The following DPYS variants were observed in gnomAD, a reference collection of about 807,000 sequenced individuals.
DPYS encodes dihydropyrimidinase, also known as dihydropyrimidine amidohydrolase.
DPYS carries 39 observed loss-of-function variants against 50.3 expected under a neutral mutation model. That is an observed-to-expected ratio of 0.78 (90% CI 0.60 to 1.01). The LOEUF (loss-of-function observed/expected upper bound fraction) is 1.01, where lower values mean the gene tolerates loss of function less well. DPYS is among the 50% of genes least tolerant of loss of function. DPYS has a pLI of 0.00. For missense variants in DPYS, 659 were observed against 680.9 expected (o/e 0.97, Z 0.36); for synonymous variants, 245 against 250.7 (o/e 0.98, Z 0.22).
At chr8:104,404,965 T>A (rs1811945017) in intron 7 of DPYS, among the ~76,000 whole-genome samples, 1 of 150,050 alleles carries the variant, frequency 6.7e-6, no homozygotes, top group South Asian at 2.2e-4. Context: ...AAAGCAACAA[T>A]AACAACACAA....
At chr8:104,449,164 C>T (rs1197641005) in intron 2 of DPYS, among the ~76,000 whole-genome samples, 1 of 152,170 alleles carries the variant, frequency 6.6e-6, no homozygotes, top group African/African-American at 2.4e-5. Context: ...TGGGACAGTG[C>T]ACCTCATTTG....
rs1019808073 is a variant in DPYS, at chr8:104,466,851, C to G, written c.70G>C (p.Asp24His). The change falls in exon 1 of 10, where the codon GAC (aspartate) becomes CAC (histidine). Residue 24 changes from aspartate (D) to histidine (H), a missense_variant. Asp to His is a moderately conservative substitution (Grantham distance 81). Transcript: ENST00000351513. Reference protein sequence around the residue: ...VVNDDFSEVADVLVEDGVVRA... With the variant: ...VVNDDFSEVAHVLVEDGVVRA... ...ACCACGCCGTCCTCCACCAGCACGT[C>G]GGCCACCTCCGAGAAGTCATCGTTG... 2 of 1,531,272 alleles carry G rather than the reference C, an allele frequency of 1.3e-6. No individual in the cohort carries two copies. The highest frequency in any genetic ancestry group is 3.9e-5 in the Admixed American group (2 of 50,710). 94.9% of individuals were successfully genotyped at this position (1,531,272 alleles called of 1,614,324 possible).
intron 8 of DPYS, among the ~76,000 whole-genome samples, chr8:104,382,295 C>G (rs970198509): frequency 6.6e-6 from 1 of 152,140 alleles, no homozygotes; most frequent in Non-Finnish European, 1.5e-5. Flanking sequence ...GACTCCTGCC[C>G]TTCCCTCACC....
intron 4 of DPYS, among the ~76,000 whole-genome samples, chr8:104,431,058 A>G (rs988244164): frequency 6.6e-6 from 1 of 152,200 alleles, no homozygotes; most frequent in African/African-American, 2.4e-5. Context: ...AGACCTTCCT[A>G]TTCCAAGGGA....
chr8:104,382,053 C>T (rs888634971), intron 8 of DPYS, among the ~76,000 whole-genome samples: 1 of 152,192 alleles, frequency 6.6e-6, no homozygotes, highest in Non-Finnish European at 1.5e-5. Flanking sequence ...TGCCTCCAGG[C>T]CTACTTCCTC....
intron 1 of DPYS, among the ~76,000 whole-genome samples, chr8:104,458,263 T>G (rs1408894408): frequency 1.3e-5 from 2 of 152,324 alleles, no homozygotes; most frequent in Non-Finnish European, 2.9e-5. Context: ...AAACAATTGT[T>G]GCCCAACCCA....
chr8:104,381,237 T>A lies in DPYS; in HGVS notation c.1521A>T (p.Glu507Asp). 6.2e-7 allele frequency: 1 copy of A among 1,614,174 alleles called. No homozygotes were observed. Reference protein sequence around the residue: ...VATLKSRVTKEDATAGTRKQA... With the variant: ...VATLKSRVTKDDATAGTRKQA... ...GTTTCCTGGTCCCTGCTGTGGCATC[T>A]TCTTTTGTCACTCTGGATTTCAGTG... The change falls in exon 9 of 10, where the codon GAA becomes GAT. Residue 507 changes from glutamate (E) to aspartate (D), a missense_variant. Coordinates refer to ENST00000351513, the MANE Select transcript of DPYS (RefSeq NM_001385.3).
At chr8:104,463,448 T>C (rs1814241259) in intron 1 of DPYS, among the ~76,000 whole-genome samples, 2 of 152,202 alleles carry the variant, frequency 1.3e-5, no homozygotes, top group South Asian at 4.1e-4. Context: ...CTTGCCACCC[T>C]GACAAATCTG....
chr8:104,409,506 C>A (rs1202013719), intron 7 of DPYS, among the ~76,000 whole-genome samples: 2 of 151,738 alleles, frequency 1.3e-5, no homozygotes, highest in African/African-American at 4.8e-5. Flanking sequence ...TTTAAAAAAT[C>A]TTAAAAAAAT....
At chr8:104,454,671 T>C (rs1394161601) in intron 1 of DPYS, among the ~76,000 whole-genome samples, 1 of 152,146 alleles carries the variant, frequency 6.6e-6, no homozygotes, top group Non-Finnish European at 1.5e-5. Flanking sequence ...AGTTAGATTG[T>C]AATAACAGGT....
intron 7 of DPYS, among the ~76,000 whole-genome samples, chr8:104,413,440 G>A (rs989389799): frequency 7.2e-5 from 11 of 152,016 alleles, no homozygotes; most frequent in Non-Finnish European, 1.0e-4. Context: ...GTTGAGATGA[G>A]GAAGGAGACA....
At chr8:104,446,867 T>C (rs1813547138) in intron 3 of DPYS, among the ~76,000 whole-genome samples, 1 of 152,226 alleles carries the variant, frequency 6.6e-6, no homozygotes, top group Non-Finnish European at 1.5e-5. Flanking sequence ...CACATTTTAA[T>C]ATCCAGTTTC....
intron 1 of DPYS, among the ~76,000 whole-genome samples, chr8:104,459,673 C>T (rs117375681): frequency 0.01 from 1,596 of 152,170 alleles, 14 homozygotes; most frequent in Middle Eastern, 0.044. Context: ...TTCCTTAAGT[C>T]CCAAATCTGC....
intron 2 of DPYS, among the ~76,000 whole-genome samples, chr8:104,450,858 AT>A (rs1317242669): frequency 1.3e-5 from 2 of 152,200 alleles, no homozygotes; most frequent in African/African-American, 4.8e-5. Context: ...GAAATTAAAC[AT>A]TTTTTATTGA....
At chr8:104,405,777 C>T (rs932608397) in intron 7 of DPYS, among the ~76,000 whole-genome samples, 2 of 152,214 alleles carry the variant, frequency 1.3e-5, no homozygotes, top group South Asian at 2.1e-4. Context: ...CTGCAGACCT[C>T]GAAACTGACT....
intron 7 of DPYS, among the ~76,000 whole-genome samples, chr8:104,398,489 T>C (rs1158294002): frequency 1.3e-5 from 2 of 152,248 alleles, no homozygotes; most frequent in East Asian, 1.9e-4. Context: ...CTTTGATACA[T>C]TCCCTTTTTG....
rs142732785 is a variant in DPYS, at chr8:104,422,993, G to A, written c.1235+1254C>T. Among the ~76,000 whole-genome samples the A allele has an allele frequency of 5.3e-4, 80 of 152,294 alleles. 1 individual carries two copies. Among genetic ancestry groups the A allele is most frequent in the East Asian group, 4.6e-3 (24 of 5,192 alleles). On this transcript the variant is annotated intron_variant, in intron 7 of 9. Coordinates refer to ENST00000351513, the MANE Select transcript of DPYS (RefSeq NM_001385.3). ...ATTTTTCTAGCTTTGTAGAGAAGCT[G>A]CCTACATTTGGTTTTACTTGTCTTC... is the stretch of plus-strand genomic sequence containing the variant.
At chr8:104,402,980 A>G (rs1811870807) in intron 7 of DPYS, among the ~76,000 whole-genome samples, 1 of 152,204 alleles carries the variant, frequency 6.6e-6, no homozygotes, top group Admixed American at 6.5e-5. Flanking sequence ...CGTGAGGGAC[A>G]ATGATCGGGA....
chr8:104,460,292 G>A (rs1351360478), intron 1 of DPYS, among the ~76,000 whole-genome samples: 2 of 152,050 alleles, frequency 1.3e-5, no homozygotes, highest in Non-Finnish European at 2.9e-5. Flanking sequence ...ATTGAATCAT[G>A]GGGGCATATT....
Sources: allele counts gnomAD v4.1 joint callset (sites outside exome capture counted in the v4.1 genomes callset), GRCh38; gene constraint gnomAD v4.1.1; transcripts MANE v1.5; gene names NCBI Gene and HGNC (gene_info 2026-07-23, HGNC 2026-07-21).